PRELID2: variants seen among roughly 807,000 people sequenced by gnomAD.
PRELID2 encodes PRELI domain-containing protein 2.
Under a neutral mutation model 28.4 loss-of-function variants are expected in PRELID2, and 25 were observed. That is an observed-to-expected ratio of 0.88 (90% CI 0.64 to 1.23). PRELID2 has a LOEUF of 1.23. PRELID2 is among the 50% of genes most tolerant of loss of function. PRELID2 has a pLI of 0.00. For synonymous variants in PRELID2, 76 were observed against 71.6 expected, an observed-to-expected ratio of 1.06 and a Z score of -0.31; for missense variants, 201 against 214.4, an observed-to-expected ratio of 0.94 and a Z score of 0.39.
the PRELID2 span, among the ~76,000 whole-genome samples, chr5:145,364,036 A>C: frequency 6.6e-6 from 1 of 152,016 alleles, no homozygotes; most frequent in African/African-American, 2.4e-5. Context: ...TTCTGCTTGG[A>C]AGATTAAATG....
the PRELID2 span, among the ~76,000 whole-genome samples, chr5:145,283,471 G>C: frequency 6.6e-6 from 1 of 152,124 alleles, no homozygotes; most frequent in Admixed American, 6.6e-5. Flanking sequence ...TGTTTAGAAG[G>C]CTGGAAATAA....
chr5:145,260,140 T>C, the PRELID2 span, among the ~76,000 whole-genome samples: 1 of 152,184 alleles, frequency 6.6e-6, no homozygotes, highest in Non-Finnish European at 1.5e-5. Context: ...CCACCATGAT[T>C]AGAAGTTTCC....
chr5:145,380,442 T>G, the PRELID2 span, among the ~76,000 whole-genome samples: 1 of 152,194 alleles, frequency 6.6e-6, no homozygotes, highest in African/African-American at 2.4e-5. Flanking sequence ...TCGGCCACCT[T>G]GTCCTCCTCC....
the PRELID2 span, among the ~76,000 whole-genome samples, chr5:145,247,835 C>A: frequency 3.3e-5 from 5 of 152,192 alleles, no homozygotes; most frequent in South Asian, 1.0e-3. Flanking sequence ...ATCCTACATT[C>A]TAGTTCAGAT....
chr5:145,424,321 G>A, the PRELID2 span, among the ~76,000 whole-genome samples: 15 of 152,300 alleles, frequency 9.8e-5, no homozygotes, highest in Admixed American at 4.6e-4. Flanking sequence ...AATGGCGGGC[G>A]CCCCTCCCCC....
chr5:145,537,286 A>G (rs1040921193), intron 1 of PRELID2, among the ~76,000 whole-genome samples: 2 of 151,852 alleles, frequency 1.3e-5, no homozygotes, highest in African/African-American at 4.8e-5. Flanking sequence ...CTAGTAGGTG[A>G]TAAAATGGAA....
At chr5:145,697,033 T>TTA (rs36117637) in intron 1 of PRELID2, among the ~76,000 whole-genome samples, 360 of 50,574 alleles carry the variant, frequency 7.1e-3, no homozygotes, top group Non-Finnish European at 0.011. Flanking sequence ...GAGAGGAAAA[T>TTA]TATATATATA....
intron 1 of PRELID2, among the ~76,000 whole-genome samples, chr5:145,740,608 A>T (rs1400480494): frequency 9.8e-5 from 1 of 10,202 alleles, no homozygotes; most frequent in Non-Finnish European, 5.6e-4. Context: ...TATATATTAT[A>T]TATATAAATA....
chr5:145,578,776 C>T (rs1753083550), intron 1 of PRELID2, among the ~76,000 whole-genome samples: 1 of 152,020 alleles, frequency 6.6e-6, no homozygotes, highest in Non-Finnish European at 1.5e-5. Flanking sequence ...GTATGATGCA[C>T]AATACTATGC....
chr5:145,825,225 C>CAAAAAAAAAAAAAAAAAAAA (rs56818178), intron 1 of PRELID2, among the ~76,000 whole-genome samples: 2 of 60,428 alleles, frequency 3.3e-5, no homozygotes, highest in African/African-American at 5.4e-5. Flanking sequence ...GACTCTGTCT[C>CAAAAAAAAAAAAAAAAAAAA]AAAAAAAAAA....
At chr5:145,428,825 A>G in the PRELID2 span, among the ~76,000 whole-genome samples, 3 of 152,224 alleles carry the variant, frequency 2.0e-5, no homozygotes, top group Admixed American at 6.5e-5. Context: ...GCATGCAGCT[A>G]TCAGGAGGAA....
intron 5 of PRELID2, among the ~76,000 whole-genome samples, chr5:145,781,719 C>A (rs1319561453): frequency 6.9e-6 from 1 of 144,512 alleles, no homozygotes; most frequent in African/African-American, 2.5e-5. Flanking sequence ...TACACACACA[C>A]TATATATATA....
chr5:145,452,963 G>T, the PRELID2 span, among the ~76,000 whole-genome samples: 1 of 152,130 alleles, frequency 6.6e-6, no homozygotes, highest in East Asian at 1.9e-4. Flanking sequence ...ATGAAGTACA[G>T]CTATGAAGTT....
chr5:145,834,715 C>T (rs6896572), intron 1 of PRELID2: 10,985 of 154,592 alleles, frequency 0.071, 1,304 homozygotes, highest in African/African-American at 0.25. Context: ...GATTAGCAAA[C>T]TAAGGCACAA....
intron 1 of PRELID2, among the ~76,000 whole-genome samples, chr5:145,651,718 C>G (rs1020470562): frequency 6.6e-6 from 1 of 152,162 alleles, no homozygotes; most frequent in African/African-American, 2.4e-5. Context: ...GGAAAACTAA[C>G]AAACAGAAAG....
chr5:145,466,313 A>G, the PRELID2 span, among the ~76,000 whole-genome samples: 14 of 152,150 alleles, frequency 9.2e-5, no homozygotes, highest in Non-Finnish European at 1.9e-4. Context: ...AATAATTAAT[A>G]CCATTTTTCA....
intron 1 of PRELID2, among the ~76,000 whole-genome samples, chr5:145,707,395 G>A (rs1029450007): frequency 9.2e-5 from 14 of 152,062 alleles, no homozygotes; most frequent in African/African-American, 2.7e-4. Flanking sequence ...CAGTAATGTC[G>A]GAAAGAAGGT....
the PRELID2 span, among the ~76,000 whole-genome samples, chr5:145,432,511 G>A: frequency 8.0e-5 from 12 of 150,098 alleles, no homozygotes; most frequent in East Asian, 2.0e-4. Flanking sequence ...AAGAATCAAT[G>A]TTCCTAATTT....
At chr5:145,361,263 C>T in the PRELID2 span, among the ~76,000 whole-genome samples, 2 of 152,086 alleles carry the variant, frequency 1.3e-5, no homozygotes, top group African/African-American at 4.8e-5. Flanking sequence ...TATAATCAGC[C>T]CTTAACACCT....
Sources: allele counts gnomAD v4.1 joint callset (sites outside exome capture counted in the v4.1 genomes callset), GRCh38; gene constraint gnomAD v4.1.1; transcripts MANE v1.5; gene names NCBI Gene and HGNC (gene_info 2026-07-23, HGNC 2026-07-21).